The following PGBD2 variants were observed in gnomAD, a reference collection of about 807,000 sequenced individuals.
The protein encoded by PGBD2 is piggyBac transposable element-derived protein 2.
In PGBD2, 6 loss-of-function variants were observed where a neutral mutation model predicts 8.1. That is an observed-to-expected ratio of 0.74 (90% confidence interval 0.40 to 1.46). The LOEUF (loss-of-function observed/expected upper bound fraction) is 1.46, where lower values mean the gene tolerates loss of function less well. Ranked by LOEUF, PGBD2 falls within the 40% of genes most tolerant of loss-of-function variation. The pLI is 0.02. For synonymous variants in PGBD2, 318 were observed against 272.2 expected (o/e 1.17, Z -1.66); for missense variants, 802 against 739.0 (o/e 1.09, Z -0.99).
chr1:248,890,689 C>T, the PGBD2 span, among the ~76,000 whole-genome samples: 1 of 150,976 alleles, frequency 6.6e-6, no homozygotes, highest in Non-Finnish European at 1.5e-5. Flanking sequence ...ACCATACACA[C>T]CAACACCGAC....
At chr1:248,924,966 A>C in the PGBD2 span, among the ~76,000 whole-genome samples, 2 of 152,218 alleles carry the variant, frequency 1.3e-5, no homozygotes, top group African/African-American at 4.8e-5. Context: ...GAAAGATGTA[A>C]AAAATACACA....
chr1:248,878,004 C>T, the PGBD2 span, among the ~76,000 whole-genome samples: 1 of 152,150 alleles, frequency 6.6e-6, no homozygotes, highest in Non-Finnish European at 1.5e-5. Flanking sequence ...AAACCTAGGT[C>T]TAGTGAGAAT....
chr1:248,891,216 C>A, the PGBD2 span, among the ~76,000 whole-genome samples: 2 of 152,218 alleles, frequency 1.3e-5, no homozygotes, highest in African/African-American at 4.8e-5. Flanking sequence ...CTGCCCACTA[C>A]ATTAATGGTT....
upstream of PGBD2, among the ~76,000 whole-genome samples, chr1:248,903,124 A>C (rs561944401): frequency 4.0e-5 from 6 of 151,886 alleles, no homozygotes; most frequent in Non-Finnish European, 8.8e-5. Flanking sequence ...TGGCCTTCCA[A>C]ATTTCTGGGA....
upstream of PGBD2, among the ~76,000 whole-genome samples, chr1:248,902,410 G>T (rs1392398410): frequency 6.6e-6 from 1 of 152,188 alleles, no homozygotes; most frequent in African/African-American, 2.4e-5. Flanking sequence ...ATGTAAATCA[G>T]TTCAACCATT....
chr1:248,885,737 C>T, the PGBD2 span, among the ~76,000 whole-genome samples: 492 of 152,338 alleles, frequency 3.2e-3, 5 homozygotes, highest in African/African-American at 0.011. Context: ...AGAGAGGAAT[C>T]ACGGACCAGT....
chr1:248,873,178 C>T, the PGBD2 span, among the ~76,000 whole-genome samples: 1 of 151,754 alleles, frequency 6.6e-6, no homozygotes, highest in Admixed American at 6.6e-5. Flanking sequence ...CACAGCCCAC[C>T]GGGAGGACAC....
At chr1:248,877,993 C>A in the PGBD2 span, among the ~76,000 whole-genome samples, 1 of 152,160 alleles carries the variant, frequency 6.6e-6, no homozygotes, top group African/African-American at 2.4e-5. Context: ...AGTGTGGTAA[C>A]AAACCTAGGT....
At chr1:248,890,179 A>G in the PGBD2 span, among the ~76,000 whole-genome samples, 67 of 152,120 alleles carry the variant, frequency 4.4e-4, no homozygotes, top group East Asian at 1.7e-3. Context: ...CGCCTGACTC[A>G]GCCTCCCACA....
the PGBD2 span, among the ~76,000 whole-genome samples, chr1:248,925,886 A>C: frequency 6.6e-6 from 1 of 152,142 alleles, no homozygotes; most frequent in African/African-American, 2.4e-5. Flanking sequence ...CAGATTTGGC[A>C]TAGAAACAAT....
At chr1:248,886,587 T>C in the PGBD2 span, among the ~76,000 whole-genome samples, 2 of 152,196 alleles carry the variant, frequency 1.3e-5, no homozygotes, top group Non-Finnish European at 2.9e-5. Flanking sequence ...CTGATTTTCA[T>C]GTTGGAGAAT....
chr1:248,893,788 G>GT, the PGBD2 span, among the ~76,000 whole-genome samples: 158 of 152,228 alleles, frequency 1.0e-3, no homozygotes, highest in Non-Finnish European at 1.5e-3. Flanking sequence ...GACAGTTCTA[G>GT]TTTAAGTCTT....
chr1:248,921,944 G>A (rs185584514), downstream of PGBD2, among the ~76,000 whole-genome samples: 235 of 152,202 alleles, frequency 1.5e-3, 1 homozygote, highest in African/African-American at 5.4e-3. Flanking sequence ...TGTGTTATTG[G>A]TGTATAGGAA....
At chr1:248,907,307 T>A (rs906974088) in intron 1 of PGBD2, among the ~76,000 whole-genome samples, 2 of 152,276 alleles carry the variant, frequency 1.3e-5, no homozygotes, top group African/African-American at 4.8e-5. Flanking sequence ...GCTGCCAACA[T>A]GTCTTGCCTC....
the PGBD2 span, among the ~76,000 whole-genome samples, chr1:248,889,446 G>A: frequency 1.1e-4 from 16 of 152,190 alleles, no homozygotes; most frequent in South Asian, 3.1e-3. Flanking sequence ...TGTACTAAAT[G>A]TTTTCCGTTT....
At chr1:248,924,473 G>A (rs1441185212), downstream of PGBD2, among the ~76,000 whole-genome samples, 1 of 152,090 alleles carries the variant, frequency 6.6e-6, no homozygotes, top group East Asian at 1.9e-4. Flanking sequence ...TTGCTCTTAA[G>A]TCTTTTAGAG....
chr1:248,926,715 A>C, the PGBD2 span, among the ~76,000 whole-genome samples: 1 of 152,236 alleles, frequency 6.6e-6, no homozygotes, highest in Admixed American at 6.5e-5. Flanking sequence ...TCGCACAGCT[A>C]CTAAGAGCAG....
At position 248,913,843 on chromosome 1, in the gene PGBD2, C is replaced by T. The variant is rs1373989682; in HGVS notation, c.-20C>T. ...TCTTAGACTCTGTGAGTAAAGACAG[C>T]TTCATCTTCCCAGTTCATCATGGCT... On this transcript the variant is annotated 5_prime_UTR_variant, in exon 2 of 3. Transcript: ENST00000329291. 3 of 1,602,736 alleles carry T rather than the reference C, an allele frequency of 1.9e-6. No individual in the cohort carries two copies. Among genetic ancestry groups the T allele is most frequent in the South Asian group, 1.1e-5 (1 of 90,832 alleles).
chr1:248,879,631 C>G, the PGBD2 span, among the ~76,000 whole-genome samples: 15 of 152,078 alleles, frequency 9.9e-5, no homozygotes, highest in African/African-American at 3.6e-4. Flanking sequence ...AACTCCTGTG[C>G]TTAAGCAATC....
Sources: allele counts gnomAD v4.1 joint callset (sites outside exome capture counted in the v4.1 genomes callset), GRCh38; gene constraint gnomAD v4.1.1; transcripts MANE v1.5; gene names NCBI Gene and HGNC (gene_info 2026-07-23, HGNC 2026-07-21).